Variants in SYN2 observed in about 807,000 individuals in gnomAD.
SYN2 encodes synapsin-2.
A neutral mutation model predicts 50.9 loss-of-function variants in SYN2; 19 were observed. That is an observed-to-expected ratio of 0.37 (90% confidence interval 0.26 to 0.55). SYN2 has a LOEUF of 0.55. SYN2 is among the 20% of genes least tolerant of loss of function. The pLI is 0.81. For missense variants in SYN2, 587 were observed against 576.4 expected, an observed-to-expected ratio of 1.02 and a Z score of -0.19; for synonymous variants, 255 against 224.9, an observed-to-expected ratio of 1.13 and a Z score of -1.20.
At chr3:12,110,434 C>T (rs549708341) in intron 1 of SYN2, among the ~76,000 whole-genome samples, 24 of 152,218 alleles carry the variant, frequency 1.6e-4, no homozygotes, top group Non-Finnish European at 3.2e-4. Flanking sequence ...ATTATGGGGT[C>T]GGAGGACAGT....
At chr3:12,024,472 AT>A (rs985612693) in intron 1 of SYN2, among the ~76,000 whole-genome samples, 6 of 151,916 alleles carry the variant, frequency 3.9e-5, no homozygotes, top group African/African-American at 1.5e-4. Context: ...GATAACCACT[AT>A]TTTGCTTCCT....
intron 1 of SYN2, among the ~76,000 whole-genome samples, chr3:12,056,469 CAT>C (rs1379824608): frequency 6.6e-6 from 1 of 150,750 alleles, no homozygotes; most frequent in African/African-American, 2.4e-5. Context: ...TATTTTACAA[CAT>C]AAAGTTTAAA....
chr3:12,123,325 A>C (rs1696601734), intron 1 of SYN2, among the ~76,000 whole-genome samples: 1 of 152,254 alleles, frequency 6.6e-6, no homozygotes, highest in South Asian at 2.1e-4. Flanking sequence ...GTAGGTCTTA[A>C]GAGCATCCAA....
chr3:12,102,624 G>T (rs1696101855), intron 1 of SYN2, among the ~76,000 whole-genome samples: 1 of 152,048 alleles, frequency 6.6e-6, no homozygotes, highest in Admixed American at 6.6e-5. Context: ...ATTAGGCCCT[G>T]AACCATTGTT....
At chr3:12,056,169 G>T (rs12629034) in intron 1 of SYN2, among the ~76,000 whole-genome samples, 21,868 of 143,398 alleles carry the variant, frequency 0.15, 2,347 homozygotes, top group East Asian at 0.5. Context: ...GTTGTGTTTT[G>T]TTTTTTTTTT....
chr3:12,130,244 G>A (rs1696765875), intron 1 of SYN2, among the ~76,000 whole-genome samples: 1 of 151,352 alleles, frequency 6.6e-6, no homozygotes, highest in Non-Finnish European at 1.5e-5. Flanking sequence ...GTGCGTGTGT[G>A]TGTGTGTGCA....
Position 12,072,253 on chromosome 3 carries a change from G to C in SYN2, c.377+67325G>C, listed in dbSNP as rs147891832. Among the ~76,000 whole-genome samples, 540 of 152,208 alleles carry C rather than the reference G, an allele frequency of 3.5e-3. 1 individual carries two copies. The highest frequency in any genetic ancestry group is 6.1e-3 in the Non-Finnish European group (412 of 67,990). ...GATACCAAACCCTTATCAGATATAT[G>C]ATTAGCAAATATTTTCTCCTGTTCT... is the stretch of plus-strand genomic sequence containing the variant. On this transcript the variant is annotated intron_variant, in intron 1 of 12. Coordinates refer to ENST00000621198, the MANE Select transcript of SYN2 (RefSeq NM_133625.6).
chr3:12,010,671 C>T (rs1693896088), intron 1 of SYN2, among the ~76,000 whole-genome samples: 1 of 152,158 alleles, frequency 6.6e-6, no homozygotes. Context: ...CTTTCCAGTA[C>T]TGTATTATTT....
chr3:12,131,715 C>G (rs1229419924), intron 1 of SYN2, among the ~76,000 whole-genome samples: 1 of 151,956 alleles, frequency 6.6e-6, no homozygotes, highest in African/African-American at 2.4e-5. Context: ...TAATTATTCC[C>G]CAAAATAGAG....
chr3:12,191,844 A>G lies in SYN2; in HGVS notation c.*1219A>G, dbSNP rs1698449706. On this transcript the variant is annotated 3_prime_UTR_variant, in exon 13 of 13. Transcript: ENST00000621198. The stretch of plus-strand genomic sequence containing the variant: ...GAGGCTGGACCAACCTGCTCTGACA[A>G]CCAGGCTCCCACAGATCTCAACGAA... Among the ~76,000 whole-genome samples, 1 of 152,116 alleles carries G rather than the reference A, an allele frequency of 6.6e-6. No homozygotes were observed. Among genetic ancestry groups the G allele is most frequent in the Non-Finnish European group, 1.5e-5 (1 of 68,022 alleles).
intron 5 of SYN2, chr3:12,158,683 T>C: frequency 6.2e-7 from 1 of 1,609,136 alleles, no homozygotes; most frequent in East Asian, 2.2e-5. Flanking sequence ...GCTGTGGACC[T>C]CGCGGACCTC....
intron 5 of SYN2, among the ~76,000 whole-genome samples, chr3:12,151,718 A>G (rs1014678301): frequency 1.3e-5 from 2 of 152,224 alleles, no homozygotes; most frequent in African/African-American, 4.8e-5. Flanking sequence ...AGGATATTCT[A>G]ATATGGTACA....
intron 10 of SYN2, among the ~76,000 whole-genome samples, chr3:12,174,642 C>T (rs57133648): frequency 0.034 from 5,188 of 152,182 alleles, 272 homozygotes; most frequent in African/African-American, 0.11. Flanking sequence ...CCACCACGCC[C>T]GGCTAATTTT....
intron 1 of SYN2, among the ~76,000 whole-genome samples, chr3:12,135,998 C>T (rs1392972633): frequency 6.6e-6 from 1 of 152,196 alleles, no homozygotes. Flanking sequence ...CATCCCTGCT[C>T]TGAAGCATTG....
chr3:12,023,872 AAAG>A (rs1694199367), intron 1 of SYN2, among the ~76,000 whole-genome samples: 1 of 152,134 alleles, frequency 6.6e-6, no homozygotes, highest in Non-Finnish European at 1.5e-5. Context: ...TAGCAGTGGA[AAAG>A]AAGGAGTGGA....
intron 1 of SYN2, among the ~76,000 whole-genome samples, chr3:12,119,629 G>A (rs964609393): frequency 1.3e-5 from 2 of 152,164 alleles, no homozygotes; most frequent in African/African-American, 4.8e-5. Context: ...TTTATTTGCA[G>A]GAAAGCATGT....
chr3:12,116,121 G>C lies in SYN2; in HGVS notation c.378-24530G>C, dbSNP rs374283365. Among the ~76,000 whole-genome samples, 50 of 152,236 alleles carry C rather than the reference G, an allele frequency of 3.3e-4. No individual in the cohort carries two copies. In the South Asian group the frequency reaches 7.3e-3, roughly 22 times the overall value. On this transcript the variant is annotated intron_variant, in intron 1 of 12. Transcript: ENST00000621198. ...GGGGCTAATGTCAGCTCTTTTAGGG[G>C]ACGTGGCCTAGATAAATCAAAGTCT...
intron 1 of SYN2, among the ~76,000 whole-genome samples, chr3:12,113,735 G>C (rs1033809965): frequency 6.6e-6 from 1 of 152,104 alleles, no homozygotes; most frequent in South Asian, 2.1e-4. Context: ...CTTTGACTTA[G>C]TGTAATCTTT....
Position 12,167,263 on chromosome 3 carries a change from C to T in SYN2, c.1010C>T (p.Thr337Met), listed in dbSNP as rs1028032829. 1.3e-5 allele frequency: 21 copies of T among 1,612,836 alleles called. No homozygotes were observed. The highest frequency in any genetic ancestry group is 2.2e-5 in the East Asian group (1 of 44,882). Residue 337 changes from threonine (T) to methionine (M), a missense_variant, in exon 8 of 13, where the codon ACG (threonine) becomes ATG (methionine). Physicochemically the swap from Thr to Met is moderately conservative, Grantham distance 81. Transcript: ENST00000621198. ...MRTSISGNWK[T>M]NTGSAMLEQI... The stretch of plus-strand genomic sequence containing the variant: ...ACATCGATCTCAGGGAACTGGAAGA[C>T]GAACACTGGCTCTGCGATGCTGGAG...
Sources: gnomAD v4.1 joint callset for allele counts (sites outside exome capture counted in the v4.1 genomes callset) on GRCh38, gnomAD v4.1.1 for gene constraint, MANE v1.5 for transcripts, NCBI Gene and HGNC (gene_info 2026-07-23, HGNC 2026-07-21) for gene names.